The following SV2B variants were observed in gnomAD, a reference collection of about 807,000 sequenced individuals.
The protein encoded by SV2B is solute carrier family 22 member B2.
SV2B carries 41 observed loss-of-function variants against 73.9 expected under a neutral mutation model. That is an observed-to-expected ratio of 0.56 (90% CI 0.43 to 0.72). The LOEUF (loss-of-function observed/expected upper bound fraction) is 0.72, where lower values mean the gene tolerates loss of function less well. SV2B is among the 30% of genes least tolerant of loss of function. SV2B has a pLI of 0.00. For missense variants in SV2B, 764 were observed against 857.8 expected (o/e 0.89, Z 1.37); for synonymous variants, 314 against 314.2 (o/e 1.00, Z 0.01).
At chr15:91,162,697 T>C (rs1237943574) in intron 1 of SV2B, among the ~76,000 whole-genome samples, 1 of 152,228 alleles carries the variant, frequency 6.6e-6, no homozygotes, top group African/African-American at 2.4e-5. Context: ...GTTGGCAGAA[T>C]TCAGCTCCTT....
In SV2B at chr15:91,281,354, C is replaced by G. The variant is rs1189013577; in HGVS notation, c.1374-374C>G. ...CACAATTCTATGGCTTCCAAAACTT[C>G]TAGGACCACTCCAGGGACCTGCATG... is the stretch of plus-strand genomic sequence containing the variant. On this transcript the variant is annotated intron_variant, in intron 9 of 12. Coordinates refer to ENST00000394232, the MANE Select transcript of SV2B (RefSeq NM_001323032.3). This position sits in a 1 kb window ranked among gnomAD's most constrained non-coding sequence, Gnocchi z 4.7. 6.6e-6 allele frequency among the ~76,000 whole-genome samples: 1 copy of G among 152,222 alleles called. No individual in the cohort carries two copies. Among genetic ancestry groups the G allele is most frequent in the Non-Finnish European group, 1.5e-5 (1 of 68,032 alleles).
At position 91,197,250 on chromosome 15, in the gene SV2B, CAG is replaced by C. The variant is rs1266854650; in HGVS notation, c.-391-28620_-391-28619del. ...TGTTTTGTTTTGTTTTGTTTTGAGA[CAG>C]AGTTTCATTCTCGTTGCCCAGGCTG... On this transcript the variant is annotated intron_variant, in intron 1 of 12. Coordinates refer to ENST00000394232, the MANE Select transcript of SV2B (RefSeq NM_001323032.3). This position sits in a 1 kb window ranked among gnomAD's most constrained non-coding sequence, Gnocchi z 4.9. Among the ~76,000 whole-genome samples the C allele has an allele frequency of 1.4e-5, 2 of 148,028 alleles. No individual in the cohort carries two copies. The highest frequency in any genetic ancestry group is 2.1e-4 in the South Asian group (1 of 4,818).
rs2048948840 is a variant in SV2B, at chr15:91,288,822, TG to T, written c.1709-698del. Among the ~76,000 whole-genome samples, 1 of 152,056 alleles carries T rather than the reference TG, an allele frequency of 6.6e-6. No homozygotes were observed. Among genetic ancestry groups the T allele is most frequent in the African/African-American group, 2.4e-5 (1 of 41,394 alleles). On this transcript the variant is annotated intron_variant, in intron 11 of 12. Transcript: ENST00000394232. This position sits in a 1 kb window ranked among gnomAD's most constrained non-coding sequence, Gnocchi z 5.8. ...CCTCCCAAGTAGCTGGGATTACAGG[TG>T]TGCACCACCGGGTCTGGCTACTTTT...
rs1596787224 is a variant in SV2B, at chr15:91,284,008, C to T, written c.1508-13C>T. On this transcript the variant is annotated splice_polypyrimidine_tract_variant and intron_variant, in intron 10 of 12. Transcript: ENST00000394232. This position sits in a 1 kb window ranked among gnomAD's most constrained non-coding sequence, Gnocchi z 4.5. ...TCCACTTACATGAACCGAAGGTTTC[C>T]TTCTCTCCCCAGACCTCTACGAGCA... 6.2e-7 allele frequency: 1 copy of T among 1,614,044 alleles called. No homozygotes were observed. The highest frequency in any genetic ancestry group is 8.5e-7 in the Non-Finnish European group (1 of 1,179,948).
intron 9 of SV2B, among the ~76,000 whole-genome samples, chr15:91,269,108 G>GA (rs200005312): frequency 3.4e-4 from 49 of 144,302 alleles, no homozygotes; most frequent in South Asian, 2.0e-3. Context: ...TTTTTTAGAG[G>GA]AAAAAAAAAA....
chr15:91,175,955 T>C (rs1233259879), intron 1 of SV2B, among the ~76,000 whole-genome samples: 1 of 151,966 alleles, frequency 6.6e-6, no homozygotes, highest in East Asian at 1.9e-4. Flanking sequence ...TAGTTACATA[T>C]GTATACATGT....
At chr15:91,216,468 TTTTTTTTG>T (rs2046028280) in intron 1 of SV2B, among the ~76,000 whole-genome samples, 2 of 151,048 alleles carry the variant, frequency 1.3e-5, no homozygotes, top group South Asian at 4.2e-4. Flanking sequence ...TTCTTTTCTT[TTTTTTTTG>T]TTTTTTTGTT....
At position 91,300,654 on chromosome 15, in the gene SV2B, G is replaced by T. The variant is rs1013653155; in HGVS notation, c.*8102G>T. ...GACTATTTCCTGTTCTTCCCTGAAA[G>T]TCAGGCCAGTGGTCTCGAATCATTC... On this transcript the variant is annotated 3_prime_UTR_variant, in exon 13 of 13. Coordinates refer to ENST00000394232, the MANE Select transcript of SV2B (RefSeq NM_001323032.3). The T allele has an allele frequency of 1.3e-5, 2 of 152,292 alleles. No homozygotes were observed. The highest frequency in any genetic ancestry group is 1.9e-4 in the East Asian group (1 of 5,180). The allele number at this position is 152,292 out of a possible 1,614,324, so 9.4% of individuals were successfully genotyped here. A position where few individuals can be genotyped will look rare whatever the true frequency, so the allele number is the denominator to read the frequency against.
intron 1 of SV2B, among the ~76,000 whole-genome samples, chr15:91,172,434 T>A (rs2044154743): frequency 6.6e-6 from 1 of 152,176 alleles, no homozygotes; most frequent in Non-Finnish European, 1.5e-5. Flanking sequence ...CCTCTGAGGA[T>A]CACGAAGCAA....
rs1275841110 is a variant in SV2B, at chr15:91,110,165, A to G, written c.-392+9802A>G. Among the ~76,000 whole-genome samples, 1 of 152,154 alleles carries G rather than the reference A, an allele frequency of 6.6e-6. No individual in the cohort carries two copies. The highest frequency in any genetic ancestry group is 1.9e-4 in the East Asian group (1 of 5,200). On this transcript the variant is annotated intron_variant, in intron 1 of 12. Transcript: ENST00000394232. The surrounding 1 kb of genome is among the most constrained non-coding windows in gnomAD (Gnocchi z 5.4). ...CTTCTTCTTAGCAGTGTTCATTTGC[A>G]TGTTTCTCTCATGAAATGACCATGA...
intron 1 of SV2B, among the ~76,000 whole-genome samples, chr15:91,144,503 A>C (rs114892444): frequency 0.012 from 1,813 of 152,324 alleles, 35 homozygotes; most frequent in African/African-American, 0.041. Flanking sequence ...TGCCAGGAAA[A>C]TGACATGCAA....
chr15:91,244,201 A>G (rs1333771028), intron 2 of SV2B, among the ~76,000 whole-genome samples: 1 of 152,222 alleles, frequency 6.6e-6, no homozygotes, highest in Non-Finnish European at 1.5e-5. Flanking sequence ...CTCCCTCACC[A>G]GGTTGGAATG....
chr15:91,288,386 T>C lies in SV2B; in HGVS notation c.1709-1135T>C, dbSNP rs2048931895. On this transcript the variant is annotated intron_variant, in intron 11 of 12. Transcript: ENST00000394232. The surrounding 1 kb of genome is among the most constrained non-coding windows in gnomAD (Gnocchi z 5.8). ...TAATTAACATATCCATCACCACACA[T>C]ATATATGTTTTGTGGTGAGAATATT... Among the ~76,000 whole-genome samples the C allele has an allele frequency of 6.6e-6, 1 of 152,202 alleles. No individual in the cohort carries two copies. The highest frequency in any genetic ancestry group is 6.5e-5 in the Admixed American group (1 of 15,286).
rs2047502381 is a variant in SV2B at position 91,251,952 on chromosome 15, G to T, written c.585G>T (p.Val195=). 2 of 1,613,966 alleles carry T rather than the reference G, an allele frequency of 1.2e-6. No individual in the cohort carries two copies. The highest frequency in any genetic ancestry group is 3.3e-5 in the Admixed American group (2 of 59,988). ...CCTTCGCCTCCCTCTCTTCCTTCGT[G>T]CAGGGATATGGAGCCTTCCTCTTCT... ...NASFASLSSF[V]QGYGAFLFCR... Residue 195 remains valine, a synonymous_variant, in exon 3 of 13, where the codon GTG becomes GTT. Coordinates refer to ENST00000394232, the MANE Select transcript of SV2B (RefSeq NM_001323032.3).
At chr15:91,143,624 C>A (rs1194341078) in intron 1 of SV2B, among the ~76,000 whole-genome samples, 1 of 151,160 alleles carries the variant, frequency 6.6e-6, no homozygotes, top group African/African-American at 2.4e-5. Flanking sequence ...TCCCAGAAAA[C>A]GCAGCATTCT....
chr15:91,207,713 A>G lies in SV2B; in HGVS notation c.-391-18160A>G, dbSNP rs148917791. Among the ~76,000 whole-genome samples the G allele has an allele frequency of 3.1e-3, 470 of 152,346 alleles. 3 individuals are homozygous for G. The highest frequency in any genetic ancestry group is 4.8e-3 in the Non-Finnish European group (328 of 68,032). On this transcript the variant is annotated intron_variant, in intron 1 of 12. Coordinates refer to ENST00000394232, the MANE Select transcript of SV2B (RefSeq NM_001323032.3). Reference sequence around the variant, plus strand: ...TGTGACACAGGAACCTTCAGAAATCATGACCCAGAGAAACAAGGGAATCTG... The same window carrying G: ...TGTGACACAGGAACCTTCAGAAATCGTGACCCAGAGAAACAAGGGAATCTG...
intron 1 of SV2B, among the ~76,000 whole-genome samples, chr15:91,208,076 T>G (rs2045710788): frequency 6.6e-6 from 1 of 152,110 alleles, no homozygotes; most frequent in Admixed American, 6.5e-5. Flanking sequence ...TTTCTCAATT[T>G]CCAAGGTGCC....
Position 91,260,268 on chromosome 15 carries a change from G to A in SV2B, c.919-52G>A. The A allele has an allele frequency of 2.0e-6, 3 of 1,516,802 alleles. No homozygotes were observed. In the South Asian group the frequency reaches 3.6e-5, roughly 18 times the overall value. 94.0% of individuals were successfully genotyped at this position (1,516,802 alleles called of 1,614,324 possible). On this transcript the variant is annotated intron_variant, in intron 5 of 12. Coordinates refer to ENST00000394232, the MANE Select transcript of SV2B (RefSeq NM_001323032.3). Reference sequence around the variant, plus strand: ...TAGGATTTTCCACCCCTAATGAACAGAAGGCATAGTCAGCAATGAATTTTT... The same window carrying A: ...TAGGATTTTCCACCCCTAATGAACAAAAGGCATAGTCAGCAATGAATTTTT...
intron 1 of SV2B, among the ~76,000 whole-genome samples, chr15:91,138,151 C>T (rs1235459884): frequency 6.6e-6 from 1 of 152,012 alleles, no homozygotes; most frequent in Non-Finnish European, 1.5e-5. Context: ...AAACAAAACC[C>T]AACAATAACA....
Sources: gnomAD v4.1 joint callset for allele counts (sites outside exome capture counted in the v4.1 genomes callset) on GRCh38, gnomAD v4.1.1 for gene constraint, Gnocchi (gnomAD v3.1) non-coding constraint, MANE v1.5 for transcripts, NCBI Gene and HGNC (gene_info 2026-07-23, HGNC 2026-07-21) for gene names.